FRMD3: variants seen among roughly 807,000 people sequenced by gnomAD.
The protein encoded by FRMD3 is FERM domain-containing protein 3.
In FRMD3, 33 loss-of-function variants were observed where a neutral mutation model predicts 70.2. That is an observed-to-expected ratio of 0.47 (90% CI 0.36 to 0.63). FRMD3 has a LOEUF of 0.63. Ranked by LOEUF, FRMD3 falls within the 20% of genes least tolerant of loss-of-function variation. FRMD3 has a pLI of 0.00. For missense variants in FRMD3, 632 were observed against 711.4 expected, an observed-to-expected ratio of 0.89 and a Z score of 1.27; for synonymous variants, 279 against 255.9, an observed-to-expected ratio of 1.09 and a Z score of -0.86.
chr9:83,416,234 ATGT>A (rs1278580572), intron 1 of FRMD3, among the ~76,000 whole-genome samples: 1 of 152,202 alleles, frequency 6.6e-6, no homozygotes, highest in African/African-American at 2.4e-5. Flanking sequence ...AGGATCCAAG[ATGT>A]TGTCTACATT....
rs770861082 is a variant in FRMD3, at chr9:83,311,987, AAAAAAG to A, written c.685-18_685-13del. ...GTGCCTGTTGAATCCTGAAAAAAAA[AAAAAAG>A]AAAAAAGAAAAATCTGTTTAGATTG... is the stretch of plus-strand genomic sequence containing the variant. On this transcript the variant is annotated splice_polypyrimidine_tract_variant and intron_variant, in intron 7 of 13. Transcript: ENST00000304195. 17 of 1,540,204 alleles carry A rather than the reference AAAAAAG, an allele frequency of 1.1e-5. No individual in the cohort carries two copies. Among genetic ancestry groups the A allele is most frequent in the East Asian group, 9.0e-5 (4 of 44,482 alleles).
At chr9:83,525,885 C>G (rs1176252616) in intron 1 of FRMD3, among the ~76,000 whole-genome samples, 1 of 152,120 alleles carries the variant, frequency 6.6e-6, no homozygotes, top group Admixed American at 6.5e-5. Context: ...CAAGCCTGCC[C>G]CAACCAGAAA....
intron 13 of FRMD3, among the ~76,000 whole-genome samples, chr9:83,274,718 G>C (rs562139964): frequency 1.3e-5 from 2 of 152,212 alleles, no homozygotes; most frequent in Admixed American, 6.5e-5. Context: ...TGGCCCCACT[G>C]TATGGGACTG....
At chr9:83,272,626 C>A (rs1833614170) in intron 13 of FRMD3, among the ~76,000 whole-genome samples, 1 of 97,574 alleles carries the variant, frequency 1.0e-5, no homozygotes, top group Non-Finnish European at 2.1e-5. Context: ...GTGAGGAGCG[C>A]CTCTGCCCGG....
chr9:83,283,332 C>T (rs1275509066), intron 13 of FRMD3, among the ~76,000 whole-genome samples: 1 of 151,892 alleles, frequency 6.6e-6, no homozygotes, highest in Non-Finnish European at 1.5e-5. Flanking sequence ...AGATCGAGAC[C>T]ATCCTGGCTA....
At chr9:83,488,972 TTGTGTGTGTGTG>T (rs4014025) in intron 1 of FRMD3, among the ~76,000 whole-genome samples, 20 of 135,538 alleles carry the variant, frequency 1.5e-4, no homozygotes, top group African/African-American at 3.3e-4. Flanking sequence ...CCCTATACCT[TTGTGTGTGTGTG>T]TGTGTGTGTG....
chr9:83,278,311 T>A (rs1445242426), intron 13 of FRMD3, among the ~76,000 whole-genome samples: 1 of 152,068 alleles, frequency 6.6e-6, no homozygotes, highest in African/African-American at 2.4e-5. Context: ...GAGCTGAGAT[T>A]TTAACATAAG....
chr9:83,576,389 C>T, the FRMD3 span, among the ~76,000 whole-genome samples: 2 of 152,004 alleles, frequency 1.3e-5, no homozygotes, highest in African/African-American at 4.8e-5. Flanking sequence ...AAGGGAACTT[C>T]CTTCACCTAA....
the FRMD3 span, among the ~76,000 whole-genome samples, chr9:83,553,962 G>A: frequency 1.3e-5 from 2 of 152,132 alleles, no homozygotes; most frequent in African/African-American, 2.4e-5. Context: ...TTCTTGCATC[G>A]GTTCTTTCTC....
At chr9:83,421,200 A>G (rs1826631732) in intron 1 of FRMD3, among the ~76,000 whole-genome samples, 1 of 151,676 alleles carries the variant, frequency 6.6e-6, no homozygotes, top group African/African-American at 2.4e-5. Flanking sequence ...TCTGCCTCCC[A>G]AAGTGCTGGG....
chr9:83,544,275 T>C, the FRMD3 span, among the ~76,000 whole-genome samples: 2 of 152,176 alleles, frequency 1.3e-5, no homozygotes, highest in East Asian at 3.9e-4. Flanking sequence ...TTCTGCACCA[T>C]GGAGCTGGTG....
chr9:83,334,467 C>A (rs1376554672), intron 6 of FRMD3, among the ~76,000 whole-genome samples: 1 of 152,176 alleles, frequency 6.6e-6, no homozygotes, highest in Non-Finnish European at 1.5e-5. Context: ...AGAACAATTT[C>A]CTCACACCGG....
chr9:83,500,178 T>A (rs1829030609), intron 1 of FRMD3, among the ~76,000 whole-genome samples: 1 of 152,082 alleles, frequency 6.6e-6, no homozygotes, highest in Non-Finnish European at 1.5e-5. Flanking sequence ...CAGGACATAT[T>A]ACATTTGTCA....
chr9:83,497,668 A>C (rs1363556234), intron 1 of FRMD3, among the ~76,000 whole-genome samples: 1 of 152,160 alleles, frequency 6.6e-6, no homozygotes, highest in Non-Finnish European at 1.5e-5. Flanking sequence ...GGATCTAAAC[A>C]TTTATGAGCT....
chr9:83,275,578 A>G (rs1016747449), intron 13 of FRMD3, among the ~76,000 whole-genome samples: 3 of 152,090 alleles, frequency 2.0e-5, no homozygotes, highest in Non-Finnish European at 4.4e-5. Flanking sequence ...GAGGTAAGGG[A>G]CCCCCAACCT....
At chr9:83,450,353 T>C (rs911914945) in intron 1 of FRMD3, among the ~76,000 whole-genome samples, 2 of 137,972 alleles carry the variant, frequency 1.4e-5, no homozygotes, top group East Asian at 4.1e-4. Context: ...CTCAGTTTTT[T>C]TTTTTTTTTT....
chr9:83,434,981 C>T (rs770558096), intron 1 of FRMD3, among the ~76,000 whole-genome samples: 5 of 151,938 alleles, frequency 3.3e-5, no homozygotes, highest in Admixed American at 6.6e-5. Flanking sequence ...CACACCACCA[C>T]GGCAGGCTAA....
intron 1 of FRMD3, among the ~76,000 whole-genome samples, chr9:83,479,783 G>GAAA (rs1828522243): frequency 2.8e-4 from 6 of 21,672 alleles, no homozygotes; most frequent in African/African-American, 6.0e-4. Flanking sequence ...GGGAGGGAGG[G>GAAA]AGGGAAGGAA....
intron 1 of FRMD3, among the ~76,000 whole-genome samples, chr9:83,495,333 G>C (rs1292561450): frequency 2.0e-5 from 3 of 152,196 alleles, no homozygotes; most frequent in Admixed American, 6.6e-5. Context: ...TCCAAGAACT[G>C]ACCACCGCAT....
Sources: allele counts gnomAD v4.1 joint callset (sites outside exome capture counted in the v4.1 genomes callset), GRCh38; gene constraint gnomAD v4.1.1; transcripts MANE v1.5; gene names NCBI Gene and HGNC (gene_info 2026-07-23, HGNC 2026-07-21).